Variants in VWDE observed in about 807,000 individuals in gnomAD.
The protein encoded by VWDE is von Willebrand factor D and EGF domains.
Under a neutral mutation model 178.4 loss-of-function variants are expected in VWDE, and 207 were observed. The observed-to-expected ratio is 1.16, with a 90% CI of 1.04 to 1.30. VWDE has a LOEUF of 1.30. Ranked by LOEUF, VWDE falls within the 50% of genes most tolerant of loss-of-function variation. The pLI is 0.00. For synonymous variants in VWDE, 738 were observed against 651.4 expected (o/e 1.13, Z -2.02); for missense variants, 2,287 against 1,901.3 (o/e 1.20, Z -3.77).
At position 12,389,123 on chromosome 7, in the gene VWDE, T is replaced by C; in HGVS notation, c.475+4A>G. 6.5e-7 allele frequency: 1 copy of C among 1,529,542 alleles called. No homozygotes were observed. The highest frequency in any genetic ancestry group is 8.9e-7 in the Non-Finnish European group (1 of 1,127,042). The allele number at this position is 1,529,542 out of a possible 1,614,324, so 94.7% of individuals were successfully genotyped here. ...AGTCATGTGAATTACTGGTGTTTTC[T>C]TACCTTCCGCACAGTAGCCCATACA... On this transcript the variant is annotated splice_donor_region_variant and intron_variant, in intron 3 of 28. Transcript: ENST00000275358.
chr7:12,377,899 T>C lies in VWDE; in HGVS notation c.901A>G (p.Ile301Val), dbSNP rs1475244822. 5.4e-6 allele frequency: 8 copies of C among 1,489,940 alleles called. No homozygotes were observed. The highest frequency in any genetic ancestry group is 2.9e-5 in the South Asian group (2 of 69,546). The allele number at this position is 1,489,940 out of a possible 1,614,324, so 92.3% of individuals were successfully genotyped here. A position where few individuals can be genotyped will look rare whatever the true frequency, so the allele number is the denominator to read the frequency against. The change falls in exon 7 of 29, where the codon ATA becomes GTA. Residue 301 changes from isoleucine (I) to valine (V), a missense_variant. Transcript: ENST00000275358. ...GFKLQPELST[I>V]SEDGKEYYLR... ...TAGTATTCTTTCCCATCCTCTGATATAGTGCTCAATTCAGGCTGTAGCTGG... is the reference window on the plus strand; with the variant it reads ...TAGTATTCTTTCCCATCCTCTGATACAGTGCTCAATTCAGGCTGTAGCTGG...
At chr7:12,394,185 A>G (rs1334409532) in intron 1 of VWDE, among the ~76,000 whole-genome samples, 1 of 152,176 alleles carries the variant, frequency 6.6e-6, no homozygotes, top group Non-Finnish European at 1.5e-5. Context: ...CAAAGTAGCC[A>G]CATGCCTAAA....
intron 5 of VWDE, 115 bp downstream of exon 5, chr7:12,380,371 A>T: frequency 7.3e-7 from 1 of 1,367,104 alleles, no homozygotes; most frequent in Non-Finnish European, 9.6e-7. Flanking sequence ...AAAAAGAAAA[A>T]TATTAGGGCT....
At chr7:12,352,212 G>A (rs979703893) in intron 18 of VWDE, among the ~76,000 whole-genome samples, 2 of 152,090 alleles carry the variant, frequency 1.3e-5, no homozygotes, top group African/African-American at 4.8e-5. Flanking sequence ...CCAAGCTAAC[G>A]TACCTTCCTT....
Position 12,347,120 on chromosome 7 carries a change from T to C in VWDE, c.3887-2651A>G, listed in dbSNP as rs181982014. Among the ~76,000 whole-genome samples the C allele has an allele frequency of 3.1e-4, 47 of 152,264 alleles. 1 individual carries two copies. Among genetic ancestry groups the C allele is most frequent in the Middle Eastern group, 3.4e-3 (1 of 294 alleles). Reference sequence around the variant, plus strand: ...GTCAAAAAATACAGCAAAAGTGCCCTGGACTAGCAGTCCCCAGAAGAACTG... The same window carrying C: ...GTCAAAAAATACAGCAAAAGTGCCCCGGACTAGCAGTCCCCAGAAGAACTG... On this transcript the variant is annotated intron_variant, in intron 19 of 28. Coordinates refer to ENST00000275358, the MANE Select transcript of VWDE (RefSeq NM_001135924.3).
In VWDE at chr7:12,389,317, C is replaced by G. The variant is rs963441997; in HGVS notation, c.285G>C (p.Leu95=). 2.3e-5 allele frequency: 35 copies of G among 1,550,608 alleles called. No individual in the cohort carries two copies. The Admixed American group carries it at 6.7e-4, about 30-fold the overall frequency. The part of the protein sequence containing the change: ...CGTQAPIWLS[L]RDSETLPSPG... Reference sequence around the variant, plus strand: ...GAGATGGCAGTGTTTCTGAATCTCTCAGAGACAGCCAGATGGGGGCCTGAG... The same window carrying G: ...GAGATGGCAGTGTTTCTGAATCTCTGAGAGACAGCCAGATGGGGGCCTGAG... The change falls in exon 3 of 29, where the codon CTG becomes CTC. Residue 95 remains leucine, a synonymous_variant. Coordinates refer to ENST00000275358, the MANE Select transcript of VWDE (RefSeq NM_001135924.3).
intron 3 of VWDE, chr7:12,388,710 TTAAA>T: frequency 3.4e-6 from 1 of 297,888 alleles, no homozygotes; most frequent in South Asian, 3.2e-5. Flanking sequence ...CTCTGAGGCC[TTAAA>T]TAATTTCTGG....
At chr7:12,354,984 C>G (rs1376052134) in intron 18 of VWDE, among the ~76,000 whole-genome samples, 2 of 152,144 alleles carry the variant, frequency 1.3e-5, no homozygotes, top group Non-Finnish European at 2.9e-5. Flanking sequence ...AACAACTCAT[C>G]TGAACGAGTA....
At chr7:12,355,331 G>A (rs1324509599) in intron 18 of VWDE, among the ~76,000 whole-genome samples, 1 of 151,686 alleles carries the variant, frequency 6.6e-6, no homozygotes, top group African/African-American at 2.4e-5. Context: ...CAAGAGAATG[G>A]CGTGAACCCA....
chr7:12,334,059 A>G (rs1282971288), intron 27 of VWDE, among the ~76,000 whole-genome samples: 1 of 152,172 alleles, frequency 6.6e-6, no homozygotes, highest in African/African-American at 2.4e-5. Context: ...TGCTGTCTAT[A>G]TCATACATTT....
chr7:12,348,073 T>C (rs1444639986), intron 19 of VWDE, among the ~76,000 whole-genome samples: 1 of 151,940 alleles, frequency 6.6e-6, no homozygotes, highest in East Asian at 1.9e-4. Context: ...AAAAATCAAT[T>C]CAAGATGGAT....
At chr7:12,387,364 A>C (rs868417439) in intron 3 of VWDE, among the ~76,000 whole-genome samples, 17 of 152,182 alleles carry the variant, frequency 1.1e-4, no homozygotes, top group African/African-American at 4.1e-4. Context: ...ACTCAGCAAA[A>C]AATTAACCAT....
intron 13 of VWDE, among the ~76,000 whole-genome samples, chr7:12,362,540 G>A (rs941938443): frequency 2.6e-5 from 4 of 152,056 alleles, no homozygotes; most frequent in Admixed American, 6.6e-5. Context: ...TTCCAGGTAC[G>A]GATAACTACG....
chr7:12,395,066 G>A (rs930715415), intron 1 of VWDE, among the ~76,000 whole-genome samples: 3 of 152,040 alleles, frequency 2.0e-5, no homozygotes, highest in African/African-American at 7.2e-5. Flanking sequence ...TTTTCCAAAT[G>A]ATCTCTCTAC....
At chr7:12,352,849 T>A (rs1052982935) in intron 18 of VWDE, among the ~76,000 whole-genome samples, 1 of 152,208 alleles carries the variant, frequency 6.6e-6, no homozygotes, top group African/African-American at 2.4e-5. Context: ...TAGTTTTTTC[T>A]CTTTTAATCT....
intron 3 of VWDE, among the ~76,000 whole-genome samples, chr7:12,388,362 C>T (rs1784207594): frequency 6.6e-6 from 1 of 151,928 alleles, no homozygotes; most frequent in Non-Finnish European, 1.5e-5. Flanking sequence ...TAATGTCTGC[C>T]AGGTTTCTCC....
chr7:12,337,144 T>G (rs1781083648), intron 25 of VWDE, 33 bp downstream of exon 25: 18 of 1,551,146 alleles, frequency 1.2e-5, no homozygotes, highest in Non-Finnish European at 1.6e-5. Context: ...TGGCTTTAGC[T>G]GTAGTTGACA....
At chr7:12,367,525 A>G in intron 12 of VWDE, 32 bp from the exon 13 acceptor site, 2 of 1,420,854 alleles carry the variant, frequency 1.4e-6, no homozygotes, top group Admixed American at 3.1e-5. Flanking sequence ...AATACTACAT[A>G]TTTTACTTAA....
In VWDE at chr7:12,367,361, A is replaced by C. The variant is rs770697572; in HGVS notation, c.2894T>G (p.Leu965Arg). 1.8e-5 allele frequency: 28 copies of C among 1,542,016 alleles called. No individual in the cohort carries two copies. Among genetic ancestry groups the C allele is most frequent in the Non-Finnish European group, 8.8e-6 (10 of 1,142,714 alleles). ...LPSIKCEVTK[L>R]QYNSSEWMPG... ...TGAACTCTATAATTAACATACCTGT[A>C]GCTTAGTAACTTCACATTTAATTGA... is the stretch of plus-strand genomic sequence containing the variant. The change falls in exon 13 of 29, where the codon CTA becomes CGA. Residue 965 changes from leucine to arginine, a missense_variant. Leu to Arg is a moderately radical substitution (Grantham distance 102, BLOSUM62 -2). Coordinates refer to ENST00000275358, the MANE Select transcript of VWDE (RefSeq NM_001135924.3).
Sources: allele counts gnomAD v4.1 joint callset (sites outside exome capture counted in the v4.1 genomes callset), GRCh38; gene constraint gnomAD v4.1.1; transcripts MANE v1.5; gene names NCBI Gene and HGNC (gene_info 2026-07-23, HGNC 2026-07-21).